OTOF: variants seen among roughly 807,000 people sequenced by gnomAD.
The protein encoded by OTOF is otoferlin, also known as fer-1-like family member 2.
Under a neutral mutation model 236.8 loss-of-function variants are expected in OTOF, and 218 were observed. That is an observed-to-expected ratio of 0.92 (90% CI 0.82 to 1.03). The LOEUF (loss-of-function observed/expected upper bound fraction) is 1.03. Among genes scored for constraint, OTOF ranks in the 50% least tolerant of loss-of-function variants. OTOF has a pLI of 0.00. For synonymous variants in OTOF, 1,041 were observed against 1,072.5 expected, an observed-to-expected ratio of 0.97 and a Z score of 0.57; for missense variants, 2,590 against 2,694.4, an observed-to-expected ratio of 0.96 and a Z score of 0.86.
At chr2:26,555,678 A>C (rs1348018565) in intron 1 of OTOF, among the ~76,000 whole-genome samples, 1 of 152,182 alleles carries the variant, frequency 6.6e-6, no homozygotes, top group Non-Finnish European at 1.5e-5. Context: ...TACAGAGCAG[A>C]GTCCAGGCTC....
chr2:26,529,781 C>T (rs1044697479), intron 2 of OTOF, among the ~76,000 whole-genome samples: 8 of 95,544 alleles, frequency 8.4e-5, no homozygotes, highest in East Asian at 6.1e-4. Context: ...AGCAGAGGAG[C>T]GGGAGAGGGG....
chr2:26,542,673 G>C (rs76402198), intron 1 of OTOF, among the ~76,000 whole-genome samples: 1,679 of 152,316 alleles, frequency 0.011, 33 homozygotes, highest in African/African-American at 0.038. Flanking sequence ...GTAGAGCAGA[G>C]AGTAGAGCCT....
intron 30 of OTOF, among the ~76,000 whole-genome samples, chr2:26,471,584 A>C (rs1664977169): frequency 6.6e-6 from 1 of 152,234 alleles, no homozygotes; most frequent in South Asian, 2.1e-4. Flanking sequence ...TGGGATGGAA[A>C]ACCAGGGACT....
At chr2:26,523,050 A>G (rs778114843) in intron 3 of OTOF, among the ~76,000 whole-genome samples, 1 of 152,194 alleles carries the variant, frequency 6.6e-6, no homozygotes, top group Admixed American at 6.5e-5. Flanking sequence ...AATCCTGTCA[A>G]TAATTCATCA....
intron 1 of OTOF, among the ~76,000 whole-genome samples, chr2:26,539,000 A>T (rs1667145692): frequency 6.6e-6 from 1 of 151,886 alleles, no homozygotes; most frequent in Non-Finnish European, 1.5e-5. Flanking sequence ...TTTAGTAGAG[A>T]CGGGGTTTCA....
chr2:26,554,986 G>C (rs1264697601), intron 1 of OTOF, among the ~76,000 whole-genome samples: 3 of 152,184 alleles, frequency 2.0e-5, no homozygotes, highest in Admixed American at 6.5e-5. Context: ...GCCCTGGACT[G>C]TCTGTCACTT....
At chr2:26,520,536 TGAG>T (rs1666651627) in intron 3 of OTOF, among the ~76,000 whole-genome samples, 1 of 152,128 alleles carries the variant, frequency 6.6e-6, no homozygotes, top group Non-Finnish European at 1.5e-5. Flanking sequence ...CCCACCTCCC[TGAG>T]GATGAAACTG....
At position 26,479,272 on chromosome 2, in the gene OTOF, C is replaced by A; in HGVS notation, c.2206G>T (p.Asp736Tyr). Reference protein sequence around the residue: ...YNANIMDHIADKLEEGLNDIQ... With the variant: ...YNANIMDHIAYKLEEGLNDIQ... ...CCTGGCCTGGCCCTGACCAGCTTGT[C>A]GGCAATGTGGTCCATGATGTTGGCA... Residue 736 changes from aspartate (D) to tyrosine (Y), a missense_variant, in exon 18 of 47, where the codon GAC becomes TAC. This residue lies in a region of OTOF where 1,379 missense variants were observed against 1,341.6 expected (regional missense o/e 1.03). Transcript: ENST00000272371. 1 of 1,612,712 alleles carries A rather than the reference C, an allele frequency of 6.2e-7. No individual in the cohort carries two copies. Among genetic ancestry groups the A allele is most frequent in the East Asian group, 2.2e-5 (1 of 44,878 alleles).
Position 26,463,491 on chromosome 2 carries a change from C to T in OTOF, c.5184G>A (p.Lys1728=). 1 of 1,603,152 alleles carries T rather than the reference C, an allele frequency of 6.2e-7. No individual in the cohort carries two copies. Among genetic ancestry groups the T allele is most frequent in the African/African-American group, 1.3e-5 (1 of 74,908 alleles). The change falls in exon 41 of 47, where the codon AAG becomes AAA. Residue 1728 remains lysine (K), a synonymous_variant. Transcript: ENST00000272371. ...PGTPLDISPR[K]PKKYELRVII... ...GGCCCCAGGCCGCTCACTTCTTGGGCTTCCGAGGTGAGATGTCCAGAGGCG... is the reference window on the plus strand; with the variant it reads ...GGCCCCAGGCCGCTCACTTCTTGGGTTTCCGAGGTGAGATGTCCAGAGGCG...
chr2:26,536,971 C>G (rs1049208635), intron 2 of OTOF, among the ~76,000 whole-genome samples: 7 of 152,158 alleles, frequency 4.6e-5, no homozygotes, highest in African/African-American at 1.7e-4. Flanking sequence ...CGGCCAGGTA[C>G]CGAGGGGAAG....
chr2:26,514,090 C>A (rs56342346), intron 5 of OTOF, among the ~76,000 whole-genome samples: 10 of 152,206 alleles, frequency 6.6e-5, no homozygotes, highest in Non-Finnish European at 1.5e-4. Flanking sequence ...TTTTTCTCAA[C>A]CCCTCTTTTC....
rs577378098 is a variant in OTOF at position 26,497,026 on chromosome 2, CG to C, written c.766-1954del. Among the ~76,000 whole-genome samples the C allele has an allele frequency of 1.4e-4, 21 of 149,886 alleles. No homozygotes were observed. In the East Asian group the frequency reaches 3.7e-3, roughly 27 times the overall value. ...GATTGATTCACTTGCCTCTCTCAAA[CG>C]TGTGTTTTAACAAGAAAAGCCTTTC... On this transcript the variant is annotated intron_variant, in intron 8 of 46. Coordinates refer to ENST00000272371, the MANE Select transcript of OTOF (RefSeq NM_194248.3).
intron 5 of OTOF, among the ~76,000 whole-genome samples, chr2:26,515,826 C>T (rs1033833144): frequency 3.9e-4 from 59 of 152,330 alleles, no homozygotes; most frequent in African/African-American, 1.3e-3. Flanking sequence ...AAAAATAGTG[C>T]ACGTGGAATG....
At chr2:26,540,815 C>T (rs564725293) in intron 1 of OTOF, among the ~76,000 whole-genome samples, 5 of 152,034 alleles carry the variant, frequency 3.3e-5, no homozygotes, top group Non-Finnish European at 7.4e-5. Flanking sequence ...GCTATCTATA[C>T]GGCAAAGAGA....
chr2:26,485,175 T>G (rs893558943), intron 11 of OTOF, among the ~76,000 whole-genome samples: 2 of 152,252 alleles, frequency 1.3e-5, no homozygotes, highest in Admixed American at 6.5e-5. Context: ...TTATATGCCC[T>G]TTTATACCTC....
intron 1 of OTOF, among the ~76,000 whole-genome samples, chr2:26,539,671 G>C (rs1259589271): frequency 4.6e-5 from 7 of 152,190 alleles, no homozygotes; most frequent in African/African-American, 1.7e-4. Flanking sequence ...GGAGGCGGAG[G>C]TTGTGGTGGG....
chr2:26,467,313 C>T (rs895987123), intron 34 of OTOF, 52 bp downstream of exon 34: 9 of 1,613,606 alleles, frequency 5.6e-6, no homozygotes, highest in Admixed American at 3.3e-5. Context: ...TCACTGCGCC[C>T]CCCTCTTCCC....
At chr2:26,551,324 G>A (rs1041131667) in intron 1 of OTOF, among the ~76,000 whole-genome samples, 2 of 152,108 alleles carry the variant, frequency 1.3e-5, no homozygotes, top group Admixed American at 6.5e-5. Context: ...AATGAGCTGC[G>A]ACCCTTCAAG....
chr2:26,540,817 G>A (rs1667195460), intron 1 of OTOF, among the ~76,000 whole-genome samples: 1 of 152,118 alleles, frequency 6.6e-6, no homozygotes, highest in Admixed American at 6.5e-5. Context: ...TATCTATACG[G>A]CAAAGAGATG....
Sources: allele counts gnomAD v4.1 joint callset (sites outside exome capture counted in the v4.1 genomes callset), GRCh38; gene constraint gnomAD v4.1.1; regional missense constraint gnomAD v4.1.1; transcripts MANE v1.5; gene names NCBI Gene and HGNC (gene_info 2026-07-23, HGNC 2026-07-21).